The following JPH3 variants were observed in gnomAD, a reference collection of about 807,000 sequenced individuals.
JPH3 encodes the protein junctophilin-3.
A neutral mutation model predicts 59.6 loss-of-function variants in JPH3; 11 were observed. That is an observed-to-expected ratio of 0.18 (90% confidence interval 0.12 to 0.31). The LOEUF (loss-of-function observed/expected upper bound fraction) is 0.31, where lower values mean the gene tolerates loss of function less well. JPH3 is among the 10% of genes least tolerant of loss of function. JPH3 has a pLI of 1.00. For synonymous variants in JPH3, 673 were observed against 483.6 expected (o/e 1.39, Z -5.14); for missense variants, 1,202 against 1,105.7 (o/e 1.09, Z -1.24).
Position 87,602,542 on chromosome 16 carries a change from GCCGCCA to G in JPH3, c.-599_-594del, listed in dbSNP as rs1182189292. Among the ~76,000 whole-genome samples, 1 of 139,386 alleles carries G rather than the reference GCCGCCA, an allele frequency of 7.2e-6. No individual in the cohort carries two copies. The highest frequency in any genetic ancestry group is 2.3e-4 in the South Asian group (1 of 4,432). 91.4% of individuals were successfully genotyped at this position (139,386 alleles called of 152,430 possible). A position where few individuals can be genotyped will look rare whatever the true frequency, so the allele number is the denominator to read the frequency against. ...AGCCGGGCCCGGAGCGCACGCCGCC[GCCGCCA>G]CCGCCGCCGCCGCCGCCCGAGCCGC... On this transcript the variant is annotated 5_prime_UTR_variant, in exon 1 of 5. Coordinates refer to ENST00000284262, the MANE Select transcript of JPH3 (RefSeq NM_020655.4).
chr16:87,687,634 A>G (rs12149195), intron 3 of JPH3, among the ~76,000 whole-genome samples: 151,167 of 152,346 alleles, frequency 0.99, 75,000 homozygotes, highest in Middle Eastern at 1. Context: ...GCACAGGAAG[A>G]AGCTGCAGGG....
intron 1 of JPH3, among the ~76,000 whole-genome samples, chr16:87,633,490 A>AAAG (rs2150836820): frequency 6.6e-6 from 1 of 151,812 alleles, no homozygotes; most frequent in African/African-American, 2.4e-5. Flanking sequence ...ACCAAAAAAA[A>AAAG]AAATTTATAT....
intron 2 of JPH3, among the ~76,000 whole-genome samples, chr16:87,667,155 C>G (rs986019788): frequency 2.2e-4 from 34 of 152,236 alleles, no homozygotes; most frequent in African/African-American, 8.0e-4. Context: ...TGCTGTCTCC[C>G]TCGTCACGTG....
chr16:87,692,456 C>T (rs1000240559), intron 4 of JPH3, among the ~76,000 whole-genome samples: 5 of 152,236 alleles, frequency 3.3e-5, no homozygotes, highest in African/African-American at 1.2e-4. Context: ...GCAGTGTCTC[C>T]CCTGGGCCAC....
At chr16:87,662,906 C>G (rs1001861364) in intron 2 of JPH3, among the ~76,000 whole-genome samples, 1 of 152,228 alleles carries the variant, frequency 6.6e-6, no homozygotes, top group Admixed American at 6.5e-5. Context: ...AGCACCGGCT[C>G]CTTTCACGGA....
At chr16:87,655,175 C>T (rs753860902) in intron 2 of JPH3, among the ~76,000 whole-genome samples, 6 of 152,296 alleles carry the variant, frequency 3.9e-5, no homozygotes, top group East Asian at 3.9e-4. Context: ...CCGAGTCTGC[C>T]GCTGTGGGCT....
chr16:87,648,761 T>G (rs1022805994), intron 2 of JPH3, among the ~76,000 whole-genome samples: 1 of 152,164 alleles, frequency 6.6e-6, no homozygotes, highest in Non-Finnish European at 1.5e-5. Context: ...CATCATTGTT[T>G]GGGATGCGCC....
At chr16:87,613,265 T>G (rs973866884) in intron 1 of JPH3, among the ~76,000 whole-genome samples, 1 of 150,678 alleles carries the variant, frequency 6.6e-6, no homozygotes, top group Non-Finnish European at 1.5e-5. Context: ...TCCGGCTAAT[T>G]TTTTGTATTT....
intron 1 of JPH3, among the ~76,000 whole-genome samples, chr16:87,641,001 C>A (rs1306965142): frequency 6.6e-6 from 1 of 152,226 alleles, no homozygotes; most frequent in African/African-American, 2.4e-5. Flanking sequence ...CAACCCCAGC[C>A]TGGAAGGGCG....
intron 2 of JPH3, among the ~76,000 whole-genome samples, chr16:87,647,730 G>T (rs570619571): frequency 2.0e-5 from 3 of 152,214 alleles, no homozygotes; most frequent in African/African-American, 7.2e-5. Flanking sequence ...CCTCACCGCT[G>T]TGCACAGCCA....
Position 87,640,359 on chromosome 16 carries a change from A to G in JPH3, c.383-3899A>G, listed in dbSNP as rs1274773275. Among the ~76,000 whole-genome samples the G allele has an allele frequency of 2.0e-5, 3 of 151,488 alleles. No homozygotes were observed. In the East Asian group the frequency reaches 5.9e-4, roughly 30 times the overall value. ...AAAAGGGTTGTCCGGTTACCTGTGC[A>G]TGCCAGGTAATCGACAAATGCTTTT... is the stretch of plus-strand genomic sequence containing the variant. On this transcript the variant is annotated intron_variant, in intron 1 of 4. Coordinates refer to ENST00000284262, the MANE Select transcript of JPH3 (RefSeq NM_020655.4).
At chr16:87,694,779 C>A (rs1597302868) in intron 4 of JPH3, 2 of 183,688 alleles carry the variant, frequency 1.1e-5, no homozygotes, top group Admixed American at 5.5e-5. Context: ...AGCTCCATCA[C>A]CTTAAACCTC....
intron 2 of JPH3, among the ~76,000 whole-genome samples, chr16:87,661,623 CTT>C (rs1232399901): frequency 6.6e-6 from 1 of 152,244 alleles, no homozygotes; most frequent in Non-Finnish European, 1.5e-5. Flanking sequence ...ACACACCCCA[CTT>C]TATCCGGAAG....
At chr16:87,696,003 A>G (rs1454496375) in intron 4 of JPH3, 1 of 456,044 alleles carries the variant, frequency 2.2e-6, no homozygotes, top group South Asian at 1.5e-5. Flanking sequence ...GCAGCTCGCA[A>G]TTGGACACAG....
intron 2 of JPH3, among the ~76,000 whole-genome samples, chr16:87,670,005 G>C (rs1028506937): frequency 4.6e-5 from 7 of 152,144 alleles, no homozygotes; most frequent in African/African-American, 1.7e-4. Context: ...TGCGTCCCGA[G>C]GCTGTGGGAG....
chr16:87,603,959 G>T, intron 1 of JPH3: 1 of 464,340 alleles, frequency 2.2e-6, no homozygotes, highest in Non-Finnish European at 2.8e-6. Flanking sequence ...TTCGCTTCTG[G>T]TGTTCCTGCG....
At chr16:87,640,752 G>A (rs759245040) in intron 1 of JPH3, among the ~76,000 whole-genome samples, 3 of 152,204 alleles carry the variant, frequency 2.0e-5, no homozygotes, top group Non-Finnish European at 4.4e-5. Flanking sequence ...AGAACGATGT[G>A]TTGTTCATCT....
chr16:87,664,347 C>T (rs1384959256), intron 2 of JPH3, among the ~76,000 whole-genome samples: 1 of 134,506 alleles, frequency 7.4e-6, no homozygotes, highest in African/African-American at 3.0e-5. Context: ...AAAAAAAAAT[C>T]ATATGGCCCG....
In JPH3 at chr16:87,623,755, C is replaced by T. The variant is rs551470008; in HGVS notation, c.382+20227C>T. ...ACACTCCCCCACAACGCATGGGCCA[C>T]AAGGACCCTCTGGGCAGATTTTGGG... On this transcript the variant is annotated intron_variant, in intron 1 of 4. Coordinates refer to ENST00000284262, the MANE Select transcript of JPH3 (RefSeq NM_020655.4). Among the ~76,000 whole-genome samples the T allele has an allele frequency of 1.4e-4, 22 of 152,316 alleles. No homozygotes were observed. The East Asian group carries it at 4.3e-3, about 29-fold the overall frequency.
Sources: gnomAD v4.1 joint callset for allele counts (sites outside exome capture counted in the v4.1 genomes callset) on GRCh38, gnomAD v4.1.1 for gene constraint, MANE v1.5 for transcripts, NCBI Gene and HGNC (gene_info 2026-07-23, HGNC 2026-07-21) for gene names.